LHFPL3: variants seen among roughly 807,000 people sequenced by gnomAD.
The protein encoded by LHFPL3 is LHFPL tetraspan subfamily member 3 protein.
Under a neutral mutation model 19.3 loss-of-function variants are expected in LHFPL3, and 5 were observed. The observed-to-expected ratio is 0.26, with a 90% CI of 0.14 to 0.54. LHFPL3 has a LOEUF of 0.54. LHFPL3 is among the 20% of genes least tolerant of loss of function. LHFPL3 has a pLI of 0.94. For synonymous variants in LHFPL3, 133 were observed against 126.2 expected, an observed-to-expected ratio of 1.05 and a Z score of -0.36; for missense variants, 249 against 307.4, an observed-to-expected ratio of 0.81 and a Z score of 1.42.
At chr7:104,640,752 A>T (rs1026416185) in intron 1 of LHFPL3, among the ~76,000 whole-genome samples, 1 of 152,198 alleles carries the variant, frequency 6.6e-6, no homozygotes, top group Non-Finnish European at 1.5e-5. Context: ...TTAAGAGTTT[A>T]CATGAGTTGC....
At chr7:104,722,875 C>T (rs1793514409) in intron 1 of LHFPL3, among the ~76,000 whole-genome samples, 3 of 152,050 alleles carry the variant, frequency 2.0e-5, no homozygotes, top group Admixed American at 2.0e-4. Context: ...TTTTTTTGTG[C>T]AACAGTGCAT....
At chr7:104,810,804 GA>G (rs1790451323) in intron 2 of LHFPL3, among the ~76,000 whole-genome samples, 1 of 152,210 alleles carries the variant, frequency 6.6e-6, no homozygotes, top group Non-Finnish European at 1.5e-5. Context: ...CAAGTAGGCA[GA>G]AGTAGGTCAG....
Position 104,627,241 on chromosome 7 carries a change from T to C in LHFPL3, c.446-109434T>C, listed in dbSNP as rs140379417. Among the ~76,000 whole-genome samples, 108 of 152,292 alleles carry C rather than the reference T, an allele frequency of 7.1e-4. No individual in the cohort carries two copies. The East Asian group carries it at 0.02, about 28-fold the overall frequency. On this transcript the variant is annotated intron_variant, in intron 1 of 2. Transcript: ENST00000424859. Reference sequence around the variant, plus strand: ...CATGCGGTATTTGACTTTCTGTGCCTGGCTTATTTCACTTAATACAGTGTC... The same window carrying C: ...CATGCGGTATTTGACTTTCTGTGCCCGGCTTATTTCACTTAATACAGTGTC...
chr7:104,562,920 G>A (rs1412538379), intron 1 of LHFPL3, among the ~76,000 whole-genome samples: 1 of 152,072 alleles, frequency 6.6e-6, no homozygotes, highest in Non-Finnish European at 1.5e-5. Flanking sequence ...CTCAGCTGCA[G>A]GTCTGTTGGA....
chr7:104,770,892 C>T (rs1166357505), intron 2 of LHFPL3, among the ~76,000 whole-genome samples: 1 of 152,138 alleles, frequency 6.6e-6, no homozygotes, highest in East Asian at 1.9e-4. Context: ...CATATTGTGC[C>T]CCACCGCATG....
chr7:104,703,646 A>G lies in LHFPL3; in HGVS notation c.446-33029A>G, dbSNP rs1793140280. 3.9e-5 allele frequency among the ~76,000 whole-genome samples: 6 copies of G among 152,332 alleles called. No homozygotes were observed. The South Asian group carries it at 1.2e-3, about 32-fold the overall frequency. On this transcript the variant is annotated intron_variant, in intron 1 of 2. Transcript: ENST00000424859. Reference sequence around the variant, plus strand: ...TTTTAGTTATGATTCTCACCAATGTATAAGTTGCATTTTGTCTAACTGAAT... The same window carrying G: ...TTTTAGTTATGATTCTCACCAATGTGTAAGTTGCATTTTGTCTAACTGAAT...
intron 2 of LHFPL3, among the ~76,000 whole-genome samples, chr7:104,856,949 G>A (rs1028159792): frequency 1.3e-5 from 2 of 152,204 alleles, no homozygotes. Context: ...TGAAAAGTGA[G>A]TATTTGAGAG....
intron 2 of LHFPL3, chr7:104,802,863 G>A (rs1790283215): frequency 6.6e-6 from 1 of 152,128 alleles, no homozygotes; most frequent in Non-Finnish European, 1.5e-5. Context: ...CCTGAGTGGT[G>A]TCCCCTCCTC....
intron 1 of LHFPL3, among the ~76,000 whole-genome samples, chr7:104,438,034 T>G (rs1375683969): frequency 6.6e-6 from 1 of 152,168 alleles, no homozygotes; most frequent in Non-Finnish European, 1.5e-5. Flanking sequence ...AAGACCTTCC[T>G]GTCACCCAAG....
In LHFPL3 at chr7:104,848,900, G is replaced by GT. The variant is rs529645748; in HGVS notation, c.683-57277dup. On this transcript the variant is annotated intron_variant, in intron 2 of 2. Transcript: ENST00000424859. ...AACTCTGCCTTTTTTTGTTTTTTTG[G>GT]TTTTTTTTTTGTTGTTGTTGTTGTT... 8.3e-3 allele frequency among the ~76,000 whole-genome samples: 1,236 copies of GT among 149,296 alleles called. 7 individuals carry two copies. The highest frequency in any genetic ancestry group is 0.011 in the Admixed American group (162 of 14,962).
chr7:104,412,226 A>G (rs988172212), intron 1 of LHFPL3, among the ~76,000 whole-genome samples: 2 of 151,600 alleles, frequency 1.3e-5, no homozygotes, highest in African/African-American at 2.4e-5. Context: ...TCTCACAGCA[A>G]TCCCTTGAGG....
At chr7:104,534,490 T>C (rs906410827) in intron 1 of LHFPL3, among the ~76,000 whole-genome samples, 1 of 152,246 alleles carries the variant, frequency 6.6e-6, no homozygotes, top group Non-Finnish European at 1.5e-5. Context: ...TTACAGTGCT[T>C]GATGGTCATT....
intron 1 of LHFPL3, among the ~76,000 whole-genome samples, chr7:104,413,841 C>T (rs1229604714): frequency 6.6e-6 from 1 of 152,184 alleles, no homozygotes; most frequent in Non-Finnish European, 1.5e-5. Context: ...TAAGGCGAAG[C>T]TTCTTATAGC....
chr7:104,798,453 T>C (rs961425414), intron 2 of LHFPL3: 2 of 152,194 alleles, frequency 1.3e-5, no homozygotes, highest in African/African-American at 4.8e-5. Flanking sequence ...TTTATTAAAA[T>C]ATATTTTAGT....
intron 2 of LHFPL3, among the ~76,000 whole-genome samples, chr7:104,840,308 C>CTTTTTTTTTTTTTTTTTTTTTT (rs67980957): frequency 2.5e-5 from 3 of 118,376 alleles, no homozygotes; most frequent in Admixed American, 1.0e-4. Context: ...TGTGGGTTTT[C>CTTTTTTTTTTTTTTTTTTTTTT]TTTTTTTTTT....
intron 1 of LHFPL3, among the ~76,000 whole-genome samples, chr7:104,388,577 C>A (rs1235267408): frequency 1.3e-5 from 2 of 152,010 alleles, no homozygotes; most frequent in African/African-American, 2.4e-5. Context: ...CAAAATCAGA[C>A]AAAGACGTAA....
intron 1 of LHFPL3, among the ~76,000 whole-genome samples, chr7:104,491,833 T>A (rs1011924210): frequency 4.0e-5 from 6 of 149,936 alleles, no homozygotes; most frequent in African/African-American, 1.5e-4. Flanking sequence ...AATAAAACAT[T>A]TTCCCATCCA....
intron 2 of LHFPL3, among the ~76,000 whole-genome samples, chr7:104,829,599 C>A (rs369184225): frequency 6.6e-6 from 1 of 151,264 alleles, no homozygotes; most frequent in Admixed American, 6.6e-5. Context: ...TTTGTCCTTG[C>A]AATAGTTTGC....
At position 104,440,038 on chromosome 7, in the gene LHFPL3, G is replaced by A. The variant is rs184913444; in HGVS notation, c.445+110814G>A. ...GATTACTATATAATACAAAGCCTGG[G>A]GGGGGGGAGGGATAGCATTAGGAGA... On this transcript the variant is annotated intron_variant, in intron 1 of 2. Coordinates refer to ENST00000424859, the MANE Select transcript of LHFPL3 (RefSeq NM_199000.3). Among the ~76,000 whole-genome samples, 10 of 140,294 alleles carry A rather than the reference G, an allele frequency of 7.1e-5. 1 individual carries two copies. The highest frequency in any genetic ancestry group is 2.4e-4 in the South Asian group (1 of 4,234). 92.0% of individuals were successfully genotyped at this position (140,294 alleles called of 152,430 possible).
Sources: allele counts gnomAD v4.1 joint callset (sites outside exome capture counted in the v4.1 genomes callset), GRCh38; gene constraint gnomAD v4.1.1; transcripts MANE v1.5; gene names NCBI Gene and HGNC (gene_info 2026-07-23, HGNC 2026-07-21).